The following MEGF11 variants were observed in gnomAD, a reference collection of about 807,000 sequenced individuals.
MEGF11 encodes the protein multiple EGF like domains 11.
In MEGF11, 126 loss-of-function variants were observed where a neutral mutation model predicts 146.6. That is an observed-to-expected ratio of 0.86 (90% CI 0.74 to 1.00). MEGF11 has a LOEUF of 1.00. Among genes scored for constraint, MEGF11 ranks in the 50% least tolerant of loss-of-function variants. The probability of loss-of-function intolerance (pLI) is 0.00; values close to 1 mark genes in which losing one functional copy is unlikely to be tolerated. For synonymous variants in MEGF11, 532 were observed against 583.4 expected, an observed-to-expected ratio of 0.91 and a Z score of 1.27; for missense variants, 1,509 against 1,521.2, an observed-to-expected ratio of 0.99 and a Z score of 0.13.
chr15:65,990,548 C>T (rs1490468455), intron 5 of MEGF11, among the ~76,000 whole-genome samples: 1 of 134,940 alleles, frequency 7.4e-6, no homozygotes, highest in African/African-American at 2.8e-5. Flanking sequence ...AGACCCTGTC[C>T]AAAAGCAAGC....
In MEGF11 at chr15:65,915,084, A is replaced by C. The variant is rs73479381; in HGVS notation, c.2473+386T>G. 5.9e-3 allele frequency among the ~76,000 whole-genome samples: 905 copies of C among 152,108 alleles called. 6 individuals are homozygous for C. The highest frequency in any genetic ancestry group is 0.021 in the African/African-American group (882 of 41,478). ...TGTCATGGGGGAAGATGATTAATCT[A>C]CTCTTCCCGCTTTGCATGTGGAGTA... On this transcript the variant is annotated intron_variant, in intron 19 of 25. Coordinates refer to ENST00000395614, the MANE Select transcript of MEGF11 (RefSeq NM_001385028.1).
chr15:66,235,153 A>G (rs1019937644), intron 1 of MEGF11, among the ~76,000 whole-genome samples: 1 of 152,164 alleles, frequency 6.6e-6, no homozygotes, highest in African/African-American at 2.4e-5. Flanking sequence ...AGGGCGGGGA[A>G]GGTGCAGAGA....
intron 1 of MEGF11, among the ~76,000 whole-genome samples, chr15:66,235,806 C>T (rs978468826): frequency 1.3e-4 from 20 of 152,150 alleles, no homozygotes; most frequent in Non-Finnish European, 1.3e-4. Flanking sequence ...ACCTCTTCCC[C>T]ACAGGTCAAG....
chr15:66,210,762 A>G (rs1420254012), intron 1 of MEGF11, among the ~76,000 whole-genome samples: 2 of 152,198 alleles, frequency 1.3e-5, no homozygotes, highest in Admixed American at 6.5e-5. Flanking sequence ...TTACCGCAGT[A>G]TGTCCTCCTC....
At chr15:66,242,535 G>T (rs1191543844) in intron 1 of MEGF11, among the ~76,000 whole-genome samples, 3 of 151,656 alleles carry the variant, frequency 2.0e-5, no homozygotes, top group Admixed American at 6.6e-5. Context: ...AGAAGTGGTT[G>T]GTTATCTCAG....
intron 1 of MEGF11, among the ~76,000 whole-genome samples, chr15:66,184,439 A>G (rs2090639172): frequency 1.3e-5 from 2 of 151,658 alleles, no homozygotes; most frequent in Admixed American, 6.6e-5. Context: ...CCCCGATTTC[A>G]TCTTCACCCT....
intron 1 of MEGF11, among the ~76,000 whole-genome samples, chr15:66,237,330 C>CA (rs995102528): frequency 6.6e-6 from 1 of 152,110 alleles, no homozygotes; most frequent in Non-Finnish European, 1.5e-5. Flanking sequence ...CTCACTCCCC[C>CA]CAACAAAAGA....
intron 15 of MEGF11, among the ~76,000 whole-genome samples, chr15:65,919,886 G>A (rs2079120476): frequency 1.3e-5 from 2 of 152,202 alleles, no homozygotes; most frequent in South Asian, 4.1e-4. Context: ...TGGGATTACA[G>A]ATGTGAACCA....
At chr15:66,030,795 G>A (rs1458909067) in intron 5 of MEGF11, among the ~76,000 whole-genome samples, 2 of 152,160 alleles carry the variant, frequency 1.3e-5, no homozygotes, top group Non-Finnish European at 2.9e-5. Flanking sequence ...TACCACAGAG[G>A]CCACGTCCCC....
In MEGF11 at chr15:65,951,458, G is replaced by C. The variant is rs565383430; in HGVS notation, c.1287+6089C>G. 8.5e-5 allele frequency among the ~76,000 whole-genome samples: 13 copies of C among 152,242 alleles called. 1 individual carries two copies. The East Asian group carries it at 2.5e-3, about 29-fold the overall frequency. ...TCCCAGCACTTTGTGAGGCCGAGGCGGGCAGATGACATGAGGTCAGGAGTT... is the reference window on the plus strand; with the variant it reads ...TCCCAGCACTTTGTGAGGCCGAGGCCGGCAGATGACATGAGGTCAGGAGTT... On this transcript the variant is annotated intron_variant, in intron 10 of 25. Transcript: ENST00000395614.
At chr15:66,071,870 T>A (rs995396760) in intron 5 of MEGF11, among the ~76,000 whole-genome samples, 2 of 152,210 alleles carry the variant, frequency 1.3e-5, no homozygotes, top group African/African-American at 4.8e-5. Context: ...ACAACTCCGT[T>A]CACTCCGGTA....
chr15:66,124,286 G>A lies in MEGF11; in HGVS notation c.99-286C>T, dbSNP rs541213493. Among the ~76,000 whole-genome samples the A allele has an allele frequency of 1.4e-4, 21 of 152,294 alleles. No homozygotes were observed. In the East Asian group the frequency reaches 2.5e-3, roughly 18 times the overall value. On this transcript the variant is annotated intron_variant, in intron 2 of 25. Transcript: ENST00000395614. ...TTTAACAGAGAATGAATAAAGAAGC[G>A]GGGGGTAGTTTTATTCTGTGTGGCT... is the stretch of plus-strand genomic sequence containing the variant.
chr15:66,093,957 A>G (rs1299056995), intron 5 of MEGF11, among the ~76,000 whole-genome samples: 1 of 152,130 alleles, frequency 6.6e-6, no homozygotes, highest in East Asian at 1.9e-4. Flanking sequence ...GACATCCCAA[A>G]TGTCCACCAG....
At chr15:66,145,493 CT>C (rs2089336352) in intron 1 of MEGF11, among the ~76,000 whole-genome samples, 1 of 152,170 alleles carries the variant, frequency 6.6e-6, no homozygotes, top group Non-Finnish European at 1.5e-5. Flanking sequence ...ATGCATTTGG[CT>C]TTGGAGTTCT....
intron 8 of MEGF11, among the ~76,000 whole-genome samples, chr15:65,969,296 G>A (rs1567182014): frequency 6.6e-6 from 1 of 152,228 alleles, no homozygotes; most frequent in Non-Finnish European, 1.5e-5. Context: ...AAGGAGTCCT[G>A]TGCTGGCTTG....
At position 65,916,596 on chromosome 15, in the gene MEGF11, A is replaced by T. The variant is rs750366033; in HGVS notation, c.2215+232T>A. The T allele has an allele frequency of 9.1e-6, 7 of 770,320 alleles. No individual in the cohort carries two copies. In the South Asian group the frequency reaches 1.2e-4, roughly 13 times the overall value. The allele number at this position is 770,320 out of a possible 1,614,324, so 47.7% of individuals were successfully genotyped here. A position where few individuals can be genotyped will look rare whatever the true frequency, so the allele number is the denominator to read the frequency against. ...GTCTGGTCTTGGTGATTGCTGGAGTACCTTGCAGCCCTGACCTTCCAGGAC... is the reference window on the plus strand; with the variant it reads ...GTCTGGTCTTGGTGATTGCTGGAGTTCCTTGCAGCCCTGACCTTCCAGGAC... On this transcript the variant is annotated intron_variant, in intron 17 of 25. Coordinates refer to ENST00000395614, the MANE Select transcript of MEGF11 (RefSeq NM_001385028.1).
At chr15:66,231,798 T>C (rs2169632) in intron 1 of MEGF11, among the ~76,000 whole-genome samples, 71,062 of 152,076 alleles carry the variant, frequency 0.47, 17,490 homozygotes, top group East Asian at 0.68. Context: ...ACTTGGGTCA[T>C]GGAAGAGCAA....
intron 5 of MEGF11, among the ~76,000 whole-genome samples, chr15:66,009,105 A>C (rs960244627): frequency 6.6e-6 from 1 of 152,194 alleles, no homozygotes; most frequent in Non-Finnish European, 1.5e-5. Flanking sequence ...TTATGGTCTT[A>C]ATTACTTGCA....
At chr15:66,002,683 C>A (rs1467721445) in intron 5 of MEGF11, among the ~76,000 whole-genome samples, 1 of 152,192 alleles carries the variant, frequency 6.6e-6, no homozygotes, top group Admixed American at 6.5e-5. Context: ...TTACACAGTG[C>A]AAGCACATGA....
Sources: gnomAD v4.1 joint callset for allele counts (sites outside exome capture counted in the v4.1 genomes callset) on GRCh38, gnomAD v4.1.1 for gene constraint, MANE v1.5 for transcripts, NCBI Gene and HGNC (gene_info 2026-07-23, HGNC 2026-07-21) for gene names.